The following ITGB1 variants were observed in gnomAD, a reference collection of about 807,000 sequenced individuals.
ITGB1 encodes integrin subunit beta 1, also known as integrin beta-1.
ITGB1 carries 24 observed loss-of-function variants against 86.5 expected under a neutral mutation model. The observed-to-expected ratio is 0.28, with a 90% CI of 0.20 to 0.39. ITGB1 has a LOEUF of 0.39. Among genes scored for constraint, ITGB1 ranks in the 10% least tolerant of loss-of-function variants. The probability of loss-of-function intolerance (pLI) is 1.00; values close to 1 mark genes in which losing one functional copy is unlikely to be tolerated. For synonymous variants in ITGB1, 323 were observed against 316.8 expected (o/e 1.02, Z -0.21); for missense variants, 556 against 946.9 (o/e 0.59, Z 5.42).
chr10:32,932,165 TA>T (rs2094985461), intron 3 of ITGB1, among the ~76,000 whole-genome samples: 1 of 152,106 alleles, frequency 6.6e-6, no homozygotes, highest in Non-Finnish European at 1.5e-5. Context: ...ATATGTATTT[TA>T]AAATTGTTTA....
chr10:32,915,014 C>G (rs1445868457), intron 11 of ITGB1, among the ~76,000 whole-genome samples: 5 of 152,188 alleles, frequency 3.3e-5, no homozygotes, highest in Admixed American at 6.5e-5. Context: ...AAGAAACTCA[C>G]TCAAAACTGC....
chr10:32,926,318 T>C (rs2094964371), intron 5 of ITGB1, among the ~76,000 whole-genome samples: 1 of 152,216 alleles, frequency 6.6e-6, no homozygotes, highest in African/African-American at 2.4e-5. Context: ...GATTAGATCA[T>C]GAGGGCAGAG....
At chr10:32,940,750 T>G (rs1452184494) in intron 1 of ITGB1, among the ~76,000 whole-genome samples, 1 of 152,224 alleles carries the variant, frequency 6.6e-6, no homozygotes, top group African/African-American at 2.4e-5. Context: ...ATTCACAAAT[T>G]TTTTGACTCA....
chr10:32,903,011 AAAG>A (rs1161723480), intron 15 of ITGB1, among the ~76,000 whole-genome samples: 1 of 152,142 alleles, frequency 6.6e-6, no homozygotes, highest in Non-Finnish European at 1.5e-5. Context: ...GGTGTAGGGA[AAAG>A]AATGGGACAT....
At chr10:32,947,824 G>C (rs933437206) in intron 1 of ITGB1, among the ~76,000 whole-genome samples, 1 of 152,054 alleles carries the variant, frequency 6.6e-6, no homozygotes, top group East Asian at 1.9e-4. Flanking sequence ...CTTTAAAATG[G>C]GGACAGCAGT....
At chr10:32,948,352 T>C (rs943272682) in intron 1 of ITGB1, among the ~76,000 whole-genome samples, 1 of 152,034 alleles carries the variant, frequency 6.6e-6, no homozygotes, top group Non-Finnish European at 1.5e-5. Flanking sequence ...AAAATACAAA[T>C]GCTCTGAACA....
chr10:32,923,710 G>C lies in ITGB1; in HGVS notation c.817C>G (p.Leu273Val), dbSNP rs572817157. 6.2e-7 allele frequency: 1 copy of C among 1,613,586 alleles called. No individual in the cohort carries two copies. Among genetic ancestry groups the C allele is most frequent in the African/African-American group, 1.3e-5 (1 of 75,000 alleles). ...SLIGWRNVTR[L>V]LVFSTDAGFH... Reference sequence around the variant, plus strand: ...CCGGCATCTGTGGAAAACACCAGCAGCCGTGTAACATTCCTCCAGCCAATC... The same window carrying C: ...CCGGCATCTGTGGAAAACACCAGCACCCGTGTAACATTCCTCCAGCCAATC... Residue 273 changes from leucine to valine, a missense_variant, in exon 7 of 16, where the codon CTG (leucine) becomes GTG (valine). Physicochemically the swap from Leu to Val is conservative, Grantham distance 32 (BLOSUM62 1). Coordinates refer to ENST00000302278, the MANE Select transcript of ITGB1 (RefSeq NM_002211.4).
intron 3 of ITGB1, among the ~76,000 whole-genome samples, chr10:32,930,710 G>A (rs528246621): frequency 6.6e-6 from 1 of 152,186 alleles, no homozygotes; most frequent in South Asian, 2.1e-4. Flanking sequence ...AGGGTAAAAG[G>A]TCCTAATGGC....
chr10:32,912,384 T>C (rs2094916140), intron 11 of ITGB1, among the ~76,000 whole-genome samples: 1 of 152,184 alleles, frequency 6.6e-6, no homozygotes, highest in South Asian at 2.1e-4. Context: ...AGGAATTCCC[T>C]TTCCTAGCCA....
chr10:32,930,825 C>A (rs1006588855), intron 3 of ITGB1, among the ~76,000 whole-genome samples: 2 of 151,892 alleles, frequency 1.3e-5, no homozygotes, highest in Non-Finnish European at 2.9e-5. Context: ...TGGTATACAT[C>A]AAACAACTTA....
chr10:32,929,760 T>C (rs909582023), intron 4 of ITGB1, 62 bp downstream of exon 4: 18 of 933,476 alleles, frequency 1.9e-5, no homozygotes, highest in Admixed American at 3.5e-5. Context: ...AGAGTTTGCA[T>C]AAAGCTGGTG....
At chr10:32,913,426 G>C (rs916275840) in intron 11 of ITGB1, among the ~76,000 whole-genome samples, 8 of 152,160 alleles carry the variant, frequency 5.3e-5, no homozygotes, top group Non-Finnish European at 1.2e-4. Flanking sequence ...CTTGAAAAAA[G>C]ACTAGACGAA....
rs199935806 is a variant in ITGB1 at position 32,910,360 on chromosome 10, C to A, written c.2027G>T (p.Arg676Leu). The A allele has an allele frequency of 1.3e-4, 211 of 1,599,716 alleles. 2 individuals are homozygous for A. In the Admixed American group the frequency reaches 1.4e-3, roughly 11 times the overall value. ...SYFNITKVES[R>L]DKLPQPVQPD... ...TTGGACCGGCTGGGGTAATTTGTCC[C>A]GACTTTCTACCTTGGTAATGTTAAA... The change falls in exon 14 of 16, where the codon CGG becomes CTG. Residue 676 changes from arginine (R) to leucine (L), a missense_variant. This residue lies in a region of ITGB1 where 330 missense variants were observed against 531.5 expected (regional missense o/e 0.62). Coordinates refer to ENST00000302278, the MANE Select transcript of ITGB1 (RefSeq NM_002211.4).
intron 15 of ITGB1, chr10:32,907,019 T>G (rs201104449): frequency 2.0e-6 from 2 of 976,868 alleles, no homozygotes; most frequent in Non-Finnish European, 3.0e-6. Flanking sequence ...GTAAAAAAGA[T>G]AGAAGTTCAC....
At chr10:32,902,821 T>C (rs1479034175) in intron 15 of ITGB1, among the ~76,000 whole-genome samples, 1 of 152,162 alleles carries the variant, frequency 6.6e-6, no homozygotes, top group Non-Finnish European at 1.5e-5. Flanking sequence ...GAAGGTATAG[T>C]TTGGTGGGTG....
chr10:32,915,800 C>T (rs1291120067), intron 11 of ITGB1, among the ~76,000 whole-genome samples: 3 of 152,336 alleles, frequency 2.0e-5, no homozygotes, highest in Non-Finnish European at 4.4e-5. Context: ...GGGAATCCTC[C>T]CTAACTCACG....
At chr10:32,915,375 G>A (rs1373656437) in intron 11 of ITGB1, among the ~76,000 whole-genome samples, 2 of 152,162 alleles carry the variant, frequency 1.3e-5, no homozygotes, top group African/African-American at 4.8e-5. Flanking sequence ...ATGAATCCAG[G>A]AGCTGGTTTT....
rs965216372 is a variant in ITGB1 at position 32,944,554 on chromosome 10, C to T, written c.1-8996G>A. The T allele has an allele frequency of 1.1e-5, 5 of 467,622 alleles. 1 individual carries two copies. The highest frequency in any genetic ancestry group is 3.5e-5 in the South Asian group (2 of 56,464). 29.0% of individuals were successfully genotyped at this position (467,622 alleles called of 1,614,324 possible). On this transcript the variant is annotated intron_variant, in intron 1 of 15. Coordinates refer to ENST00000302278, the MANE Select transcript of ITGB1 (RefSeq NM_002211.4). ...GCACAGAAATTAATGTGTTAGCTAA[C>T]GCTTTCATTGACCAAAGGAAACTCA...
At chr10:32,924,603 A>T (rs2137210808) in intron 6 of ITGB1, among the ~76,000 whole-genome samples, 1 of 152,292 alleles carries the variant, frequency 6.6e-6, no homozygotes, top group East Asian at 1.9e-4. Context: ...CAAGGGTGTT[A>T]TGGCTTGTTT....
Sources: gnomAD v4.1 joint callset for allele counts (sites outside exome capture counted in the v4.1 genomes callset) on GRCh38, gnomAD v4.1.1 for gene constraint, gnomAD v4.1.1 regional missense constraint, MANE v1.5 for transcripts, NCBI Gene and HGNC (gene_info 2026-07-23, HGNC 2026-07-21) for gene names.